AP1M1: variants seen among roughly 807,000 people sequenced by gnomAD.
The protein encoded by AP1M1 is adaptor related protein complex 1 subunit mu 1, also known as AP-1 complex subunit mu-1.
AP1M1 carries 18 observed loss-of-function variants against 57.1 expected under a neutral mutation model. The ratio of observed to expected loss-of-function variants is 0.32; its 90% CI spans 0.22 to 0.47. The LOEUF (loss-of-function observed/expected upper bound fraction) is 0.47, where lower values mean the gene tolerates loss of function less well. Ranked by LOEUF, AP1M1 falls within the 20% of genes least tolerant of loss-of-function variation. The pLI is 1.00. For missense variants in AP1M1, 362 were observed against 593.5 expected, an observed-to-expected ratio of 0.61 and a Z score of 4.05; for synonymous variants, 241 against 237.9, an observed-to-expected ratio of 1.01 and a Z score of -0.12.
intron 5 of AP1M1, among the ~76,000 whole-genome samples, chr19:16,224,340 G>A (rs1268092215): frequency 2.0e-5 from 3 of 152,202 alleles, no homozygotes; most frequent in Non-Finnish European, 4.4e-5. Flanking sequence ...GGGGGTCCCC[G>A]CCACAGTGCG....
intron 1 of AP1M1, among the ~76,000 whole-genome samples, chr19:16,201,243 A>C (rs1288249756): frequency 6.6e-6 from 1 of 152,124 alleles, no homozygotes; most frequent in Non-Finnish European, 1.5e-5. Flanking sequence ...TGAATGAGAC[A>C]GGAGTAGTTG....
chr19:16,209,200 T>C (rs376842191), intron 5 of AP1M1, 23 bp downstream of exon 5: 1 of 1,612,372 alleles, frequency 6.2e-7, no homozygotes, highest in Admixed American at 1.7e-5. Flanking sequence ...TCTTTCCTTC[T>C]TCTGTAGGGT....
Position 16,227,730 on chromosome 19 carries a change from C to T in AP1M1, c.816+40C>T. ...CTGGGGCTGGGCTGTCGGCAGACTCCTCCTCCCCTTCACCTCCAGGAGGTG... is the reference window on the plus strand; with the variant it reads ...CTGGGGCTGGGCTGTCGGCAGACTCTTCCTCCCCTTCACCTCCAGGAGGTG... On this transcript the variant is annotated intron_variant, in intron 7 of 11. Coordinates refer to ENST00000291439, the MANE Select transcript of AP1M1 (RefSeq NM_032493.4). The surrounding 1 kb of genome is among the most constrained non-coding windows in gnomAD (Gnocchi z 6.2). 2 of 1,599,048 alleles carry T rather than the reference C, an allele frequency of 1.3e-6. No homozygotes were observed. Among genetic ancestry groups the T allele is most frequent in the Non-Finnish European group, 1.7e-6 (2 of 1,170,172 alleles).
chr19:16,213,651 C>T (rs571349285), intron 5 of AP1M1, among the ~76,000 whole-genome samples: 11 of 152,224 alleles, frequency 7.2e-5, no homozygotes, highest in African/African-American at 1.4e-4. Context: ...CGCGCCACCA[C>T]GCCTGGCGGT....
chr19:16,218,571 C>G (rs143447662), intron 5 of AP1M1, among the ~76,000 whole-genome samples: 164 of 152,318 alleles, frequency 1.1e-3, no homozygotes, highest in Middle Eastern at 3.4e-3. Flanking sequence ...TCCCTCCGTT[C>G]ACTCTCAGGG....
chr19:16,208,569 C>T (rs947826665), intron 4 of AP1M1, among the ~76,000 whole-genome samples: 4 of 152,170 alleles, frequency 2.6e-5, no homozygotes, highest in South Asian at 4.1e-4. Context: ...ACAGCCTCCC[C>T]GTATACCGTC....
intron 5 of AP1M1, among the ~76,000 whole-genome samples, chr19:16,224,799 C>T (rs916776528): frequency 1.3e-5 from 2 of 152,132 alleles, no homozygotes; most frequent in Admixed American, 1.3e-4. Flanking sequence ...GAGGGCCCTC[C>T]GAGAAAGAGG....
rs2091581046 is a variant in AP1M1 at position 16,228,502 on chromosome 19, A to G, written c.889-268A>G. 6.6e-6 allele frequency among the ~76,000 whole-genome samples: 1 copy of G among 152,164 alleles called. No homozygotes were observed. Among genetic ancestry groups the G allele is most frequent in the African/African-American group, 2.4e-5 (1 of 41,452 alleles). On this transcript the variant is annotated intron_variant, in intron 8 of 11. Coordinates refer to ENST00000291439, the MANE Select transcript of AP1M1 (RefSeq NM_032493.4). The surrounding 1 kb of genome is among the most constrained non-coding windows in gnomAD (Gnocchi z 5.0). ...GTCCAGCGCAGCCTGGCCCTGGGAC[A>G]TAGACATTGTCCTAGGAGGGCAGGG...
chr19:16,206,415 C>G lies in AP1M1; in HGVS notation c.267+7C>G. 6.2e-7 allele frequency: 1 copy of G among 1,613,918 alleles called. No individual in the cohort carries two copies. The highest frequency in any genetic ancestry group is 8.5e-7 in the Non-Finnish European group (1 of 1,179,932). ...CCTCTATAAGGTGGTGCAGGTGAGT[C>G]TCGCTCGGAGGGGCCGTGGGCTTGG... On this transcript the variant is annotated splice_region_variant and intron_variant, in intron 3 of 11. Coordinates refer to ENST00000291439, the MANE Select transcript of AP1M1 (RefSeq NM_032493.4). The surrounding 1 kb of genome is among the most constrained non-coding windows in gnomAD (Gnocchi z 4.3).
chr19:16,215,328 G>T (rs1034317082), intron 5 of AP1M1, among the ~76,000 whole-genome samples: 2 of 147,286 alleles, frequency 1.4e-5, no homozygotes, highest in African/African-American at 2.5e-5. Flanking sequence ...GCACGTGGTG[G>T]TGCATGCCTG....
At chr19:16,215,221 A>T (rs866761698) in intron 5 of AP1M1, among the ~76,000 whole-genome samples, 1 of 3,576 alleles carries the variant, frequency 2.8e-4, no homozygotes, top group Non-Finnish European at 7.5e-4. Context: ...GAGAGGGGGG[A>T]GGGGGGAGGG....
rs764842453 is a variant in AP1M1 at position 16,234,155 on chromosome 19, G to A, written c.1174-44G>A. On this transcript the variant is annotated intron_variant, in intron 10 of 11. Coordinates refer to ENST00000291439, the MANE Select transcript of AP1M1 (RefSeq NM_032493.4). Reference sequence around the variant, plus strand: ...GGAAAGATTAAGGGGGGACCAACAGGGCGGGAGCCTGCGGTGCTCAGGGCC... The same window carrying A: ...GGAAAGATTAAGGGGGGACCAACAGAGCGGGAGCCTGCGGTGCTCAGGGCC... The A allele has an allele frequency of 3.2e-6, 5 of 1,579,512 alleles. No homozygotes were observed. The Middle Eastern group carries it at 5.8e-4, about 184-fold the overall frequency.
At chr19:16,199,411 A>C (rs909505188) in intron 1 of AP1M1, among the ~76,000 whole-genome samples, 1 of 152,212 alleles carries the variant, frequency 6.6e-6, no homozygotes. Context: ...AGTCCATCCC[A>C]GGTGCAAGGC....
At chr19:16,208,806 T>C in intron 4 of AP1M1, 1 of 505,862 alleles carries the variant, frequency 2.0e-6, no homozygotes, top group Non-Finnish European at 3.5e-6. Flanking sequence ...CCTCTATAAC[T>C]TGAGTGTATT....
intron 6 of AP1M1, 162 bp downstream of exon 6, chr19:16,226,709 C>A: frequency 2.1e-6 from 2 of 950,716 alleles, no homozygotes; most frequent in Non-Finnish European, 3.0e-6. Context: ...GAGTATTCAT[C>A]CTTCCCTGGA....
chr19:16,205,167 C>T (rs576024673), intron 2 of AP1M1, among the ~76,000 whole-genome samples: 3 of 152,262 alleles, frequency 2.0e-5, no homozygotes, highest in African/African-American at 2.4e-5. Flanking sequence ...TGACAGTCCT[C>T]TGAAGCCGCC....
intron 5 of AP1M1, 149 bp from the exon 6 acceptor site, chr19:16,226,272 C>T: frequency 2.5e-6 from 3 of 1,185,612 alleles, no homozygotes; most frequent in Non-Finnish European, 3.4e-6. Context: ...AGCTGGGACT[C>T]TCCCAGCTCA....
At chr19:16,205,418 T>TG (rs1216246074) in intron 2 of AP1M1, among the ~76,000 whole-genome samples, 3 of 152,124 alleles carry the variant, frequency 2.0e-5, no homozygotes, top group Non-Finnish European at 2.9e-5. Flanking sequence ...ATAAAGCATC[T>TG]GGGGAGGGCA....
At chr19:16,221,976 G>A (rs527784611) in intron 5 of AP1M1, among the ~76,000 whole-genome samples, 5 of 152,100 alleles carry the variant, frequency 3.3e-5, no homozygotes, top group East Asian at 1.9e-4. Flanking sequence ...ATGAGCCACC[G>A]CACCCAGCCC....
Sources: gnomAD v4.1 joint callset for allele counts (sites outside exome capture counted in the v4.1 genomes callset) on GRCh38, gnomAD v4.1.1 for gene constraint, Gnocchi (gnomAD v3.1) non-coding constraint, MANE v1.5 for transcripts, NCBI Gene and HGNC (gene_info 2026-07-23, HGNC 2026-07-21) for gene names.